Variants in SLC4A4 observed in about 807,000 individuals in gnomAD.
SLC4A4 encodes the protein solute carrier family 4 member 4.
A neutral mutation model predicts 111.5 loss-of-function variants in SLC4A4; 27 were observed. The observed-to-expected ratio is 0.24, with a 90% CI of 0.18 to 0.33. The LOEUF (loss-of-function observed/expected upper bound fraction) is 0.33, where lower values mean the gene tolerates loss of function less well. Ranked by LOEUF, SLC4A4 falls within the 10% of genes least tolerant of loss-of-function variation. The pLI is 1.00. For missense variants in SLC4A4, 909 were observed against 1,315.5 expected, an observed-to-expected ratio of 0.69 and a Z score of 4.78; for synonymous variants, 443 against 463.4, an observed-to-expected ratio of 0.96 and a Z score of 0.57.
intron 3 of SLC4A4, among the ~76,000 whole-genome samples, chr4:71,304,095 T>C (rs969556436): frequency 6.6e-6 from 1 of 152,254 alleles, no homozygotes; most frequent in Non-Finnish European, 1.5e-5. Flanking sequence ...TTCTGAATTC[T>C]TCCTTTACTG....
intron 1 of SLC4A4, among the ~76,000 whole-genome samples, chr4:71,230,883 T>A (rs1198789075): frequency 6.6e-6 from 1 of 152,196 alleles, no homozygotes; most frequent in Non-Finnish European, 1.5e-5. Flanking sequence ...CCGCAGTCGC[T>A]TTCATCCTAC....
chr4:71,155,193 C>G (rs976044662), intron 2 of SLC4A4, among the ~76,000 whole-genome samples: 1 of 152,106 alleles, frequency 6.6e-6, no homozygotes, highest in Non-Finnish European at 1.5e-5. Context: ...GACCCTTCTA[C>G]TTCTGGTGTA....
intron 6 of SLC4A4, among the ~76,000 whole-genome samples, chr4:71,381,640 C>T (rs1248997541): frequency 6.6e-6 from 1 of 152,100 alleles, no homozygotes; most frequent in Non-Finnish European, 1.5e-5. Flanking sequence ...GAGTACTATT[C>T]TTTGCTCACT....
At chr4:71,285,201 G>A (rs1723819615) in intron 3 of SLC4A4, among the ~76,000 whole-genome samples, 1 of 152,154 alleles carries the variant, frequency 6.6e-6, no homozygotes, top group Non-Finnish European at 1.5e-5. Flanking sequence ...AGGGCATAGG[G>A]TTAGATATTT....
In SLC4A4 at chr4:71,440,905, CTG is replaced by C. The variant is rs1724655166; in HGVS notation, c.965+134_965+135del. The C allele has an allele frequency of 4.0e-6, 4 of 1,011,910 alleles. No individual in the cohort carries two copies. The South Asian group carries it at 5.3e-5, about 13-fold the overall frequency. 62.7% of individuals were successfully genotyped at this position (1,011,910 alleles called of 1,614,324 possible). Reference sequence around the variant, plus strand: ...GGAGAGGTTTAACTTGAAATAATGACTGTTTGACTTTTATACTGTCAAATTTC... The same window carrying C: ...GGAGAGGTTTAACTTGAAATAATGACTTTGACTTTTATACTGTCAAATTTC... On this transcript the variant is annotated intron_variant, in intron 8 of 25. Coordinates refer to ENST00000264485, the MANE Select transcript of SLC4A4 (RefSeq NM_001098484.3).
chr4:71,301,949 T>G (rs1725299405), intron 3 of SLC4A4, among the ~76,000 whole-genome samples: 1 of 152,222 alleles, frequency 6.6e-6, no homozygotes, highest in Admixed American at 6.5e-5. Flanking sequence ...AAGAGCACTT[T>G]CTATAAGTCA....
chr4:71,189,268 C>T (rs1047675261), intron 1 of SLC4A4, among the ~76,000 whole-genome samples: 2 of 152,144 alleles, frequency 1.3e-5, no homozygotes, highest in African/African-American at 4.8e-5. Flanking sequence ...CATTAGACAC[C>T]TTACCCAATG....
chr4:71,173,583 GTTAGC>G (rs1353849195), intron 2 of SLC4A4, among the ~76,000 whole-genome samples: 1 of 152,082 alleles, frequency 6.6e-6, no homozygotes. Context: ...GTTTCACCAT[GTTAGC>G]CAGGTCTCAG....
At chr4:71,313,838 C>A (rs1726420543) in intron 3 of SLC4A4, among the ~76,000 whole-genome samples, 1 of 152,122 alleles carries the variant, frequency 6.6e-6, no homozygotes, top group Non-Finnish European at 1.5e-5. Flanking sequence ...CTAGGGAATA[C>A]CATTCAGGAC....
chr4:71,275,461 C>T (rs1723001278), intron 3 of SLC4A4, among the ~76,000 whole-genome samples: 1 of 152,154 alleles, frequency 6.6e-6, no homozygotes, highest in South Asian at 2.1e-4. Context: ...TCATAATTTA[C>T]CTTAAAATAT....
chr4:71,500,451 T>G (rs1730809944), intron 16 of SLC4A4, among the ~76,000 whole-genome samples: 2 of 152,160 alleles, frequency 1.3e-5, no homozygotes, highest in African/African-American at 4.8e-5. Context: ...CAGTTTCAGG[T>G]CTTATATTTA....
chr4:71,548,015 C>T (rs1735681131), intron 20 of SLC4A4, among the ~76,000 whole-genome samples: 1 of 151,850 alleles, frequency 6.6e-6, no homozygotes, highest in African/African-American at 2.4e-5. Flanking sequence ...TTGAATCAGA[C>T]TGATCTTCTC....
intron 7 of SLC4A4, among the ~76,000 whole-genome samples, chr4:71,411,736 A>C (rs1721379645): frequency 1.3e-5 from 2 of 152,342 alleles, no homozygotes; most frequent in Admixed American, 6.5e-5. Flanking sequence ...TCTGTGGTCT[A>C]AGTTGTTGCT....
intron 7 of SLC4A4, among the ~76,000 whole-genome samples, chr4:71,413,453 C>G (rs1014808746): frequency 6.6e-6 from 1 of 152,172 alleles, no homozygotes; most frequent in Admixed American, 6.5e-5. Context: ...CCCAAATAAT[C>G]AGATATTAAA....
At chr4:71,129,124 T>G (rs577117391) in intron 2 of SLC4A4, among the ~76,000 whole-genome samples, 1 of 152,126 alleles carries the variant, frequency 6.6e-6, no homozygotes, top group Non-Finnish European at 1.5e-5. Context: ...GGGATCTAAT[T>G]AAACTAAAGA....
At chr4:71,221,660 T>G (rs931596833) in intron 1 of SLC4A4, among the ~76,000 whole-genome samples, 2 of 152,134 alleles carry the variant, frequency 1.3e-5, no homozygotes, top group African/African-American at 4.8e-5. Context: ...TGGGGCAGAT[T>G]TAGGTAGGCG....
chr4:71,099,151 T>C (rs1332620177), intron 2 of SLC4A4, among the ~76,000 whole-genome samples: 2 of 152,144 alleles, frequency 1.3e-5, no homozygotes, highest in African/African-American at 2.4e-5. Flanking sequence ...AACAACAGAA[T>C]ATACATTCTT....
intron 1 of SLC4A4, among the ~76,000 whole-genome samples, chr4:71,223,863 C>T (rs907756026): frequency 2.6e-5 from 4 of 152,060 alleles, no homozygotes; most frequent in Non-Finnish European, 5.9e-5. Context: ...TGTTCCCTTC[C>T]GAACTCAGAT....
At chr4:71,171,649 G>T (rs1744943458) in intron 2 of SLC4A4, among the ~76,000 whole-genome samples, 1 of 152,092 alleles carries the variant, frequency 6.6e-6, no homozygotes, top group Non-Finnish European at 1.5e-5. Flanking sequence ...TTGACTGGTG[G>T]TCCATGCTAA....
Sources: gnomAD v4.1 joint callset for allele counts (sites outside exome capture counted in the v4.1 genomes callset) on GRCh38, gnomAD v4.1.1 for gene constraint, MANE v1.5 for transcripts, NCBI Gene and HGNC (gene_info 2026-07-23, HGNC 2026-07-21) for gene names.